Variants in EMG1 observed in about 807,000 individuals in gnomAD.
EMG1 encodes the protein EMG1 N1-specific pseudouridine methyltransferase.
Under a neutral mutation model 26.9 loss-of-function variants are expected in EMG1, and 24 were observed. The ratio of observed to expected loss-of-function variants is 0.89; its 90% CI spans 0.65 to 1.26. The LOEUF is 1.26. Ranked by LOEUF, EMG1 falls within the 50% of genes most tolerant of loss-of-function variation. The probability of loss-of-function intolerance (pLI) is 0.00; values close to 1 mark genes in which losing one functional copy is unlikely to be tolerated. For synonymous variants in EMG1, 140 were observed against 112.6 expected (o/e 1.24, Z -1.54); for missense variants, 299 against 307.6 (o/e 0.97, Z 0.21).
downstream of EMG1, among the ~76,000 whole-genome samples, chr12:6,991,849 T>C (rs1234218438): frequency 1.1e-4 from 16 of 152,148 alleles, no homozygotes; most frequent in African/African-American, 3.6e-4. Flanking sequence ...ACTCTACCAG[T>C]GTGCAGCAGA....
Position 6,979,662 on chromosome 12 carries a change from G to T in EMG1, c.*3853G>T. On this transcript the variant is annotated 3_prime_UTR_variant, in exon 6 of 6. Transcript: ENST00000599672. ...CTCTGACCTTCAGTTATGGAGAGGAGTGTTTAGGGGTGTGGTTGTCTACCT... is the reference window on the plus strand; with the variant it reads ...CTCTGACCTTCAGTTATGGAGAGGATTGTTTAGGGGTGTGGTTGTCTACCT... The T allele has an allele frequency of 1.1e-6, 1 of 900,880 alleles. No homozygotes were observed. The highest frequency in any genetic ancestry group is 1.8e-6 in the Non-Finnish European group (1 of 550,096). The allele number at this position is 900,880 out of a possible 1,614,324, so 55.8% of individuals were successfully genotyped here.
In EMG1 at chr12:6,979,362, T is replaced by C; in HGVS notation, c.*3553T>C. The C allele has an allele frequency of 2.5e-6, 2 of 799,418 alleles. No homozygotes were observed. Among genetic ancestry groups the C allele is most frequent in the Non-Finnish European group, 2.1e-6 (1 of 482,868 alleles). 49.5% of individuals were successfully genotyped at this position (799,418 alleles called of 1,614,324 possible). ...TCACAGATCTAGAGCAAAACCAACATGCACTTGTAGATGATATTTCCTACT... is the reference window on the plus strand; with the variant it reads ...TCACAGATCTAGAGCAAAACCAACACGCACTTGTAGATGATATTTCCTACT... On this transcript the variant is annotated 3_prime_UTR_variant, in exon 6 of 6. Transcript: ENST00000599672.
Position 6,979,028 on chromosome 12 carries a change from C to A in EMG1, c.*3219C>A, listed in dbSNP as rs1437730175. ...TTGGATTTTAATTTAAGGAGAGAAA[C>A]CTGCCCAGAATTACTGAACTGTTTT... On this transcript the variant is annotated 3_prime_UTR_variant, in exon 6 of 6. Transcript: ENST00000599672. 3.3e-6 allele frequency: 1 copy of A among 305,380 alleles called. No homozygotes were observed. 18.9% of individuals were successfully genotyped at this position (305,380 alleles called of 1,614,324 possible). A position where few individuals can be genotyped will look rare whatever the true frequency, so the allele number is the denominator to read the frequency against.
At chr12:6,994,276 T>C (rs1946616230) in intron 7 of EMG1, among the ~76,000 whole-genome samples, 1 of 151,934 alleles carries the variant, frequency 6.6e-6, no homozygotes, top group African/African-American at 2.4e-5. Flanking sequence ...GGCATGATCT[T>C]GGCTCACGGC....
In EMG1 at chr12:6,977,421, G is replaced by A. The variant is rs1946418027; in HGVS notation, c.*1612G>A. 1 of 1,614,090 alleles carries A rather than the reference G, an allele frequency of 6.2e-7. No individual in the cohort carries two copies. Among genetic ancestry groups the A allele is most frequent in the African/African-American group, 1.3e-5 (1 of 74,940 alleles). ...AGAAGGCAGTCATGGAGTAACCCAT[G>A]AAGAGCCAGTGGATGGTCTGTTGCA... On this transcript the variant is annotated 3_prime_UTR_variant, in exon 6 of 6. Coordinates refer to ENST00000599672, the MANE Select transcript of EMG1 (RefSeq NM_006331.8). The surrounding 1 kb of genome is among the most constrained non-coding windows in gnomAD (Gnocchi z 4.5).
chr12:6,980,266 C>T (rs1946456662), downstream of EMG1, among the ~76,000 whole-genome samples: 1 of 151,970 alleles, frequency 6.6e-6, no homozygotes, highest in Admixed American at 6.6e-5. Flanking sequence ...TGGTCTTGAA[C>T]TCCTGGCCTC....
At chr12:6,971,442 T>G (rs1415906039) in intron 1 of EMG1, among the ~76,000 whole-genome samples, 1 of 151,824 alleles carries the variant, frequency 6.6e-6, no homozygotes, top group Non-Finnish European at 1.5e-5. Flanking sequence ...CCCGGCTAAT[T>G]TTTTTGTATT....
At chr12:6,975,470 G>A in intron 5 of EMG1, 92 bp downstream of exon 5, 1 of 1,346,658 alleles carries the variant, frequency 7.4e-7, no homozygotes, top group South Asian at 1.4e-5. Context: ...TGCTTACAAT[G>A]AGCTAGAAGA....
In EMG1 at chr12:6,979,776, A is replaced by G. The variant is rs1946450574; in HGVS notation, c.*3967A>G. ...TGGCTATGAGGAATGGGGACTGCAA[A>G]CCTCTTAAGAGTTGTAGGAAAGTCA... is the stretch of plus-strand genomic sequence containing the variant. On this transcript the variant is annotated 3_prime_UTR_variant, in exon 6 of 6. Transcript: ENST00000599672. 3.4e-6 allele frequency: 2 copies of G among 592,448 alleles called. No individual in the cohort carries two copies. The highest frequency in any genetic ancestry group is 5.6e-5 in the East Asian group (2 of 35,556). 36.7% of individuals were successfully genotyped at this position (592,448 alleles called of 1,614,324 possible). A position where few individuals can be genotyped will look rare whatever the true frequency, so the allele number is the denominator to read the frequency against.
downstream of EMG1, chr12:6,980,908 A>C (rs1555153973): frequency 1.6e-6 from 2 of 1,287,308 alleles, no homozygotes; most frequent in Non-Finnish European, 2.1e-6. Context: ...TCAGGTCTCT[A>C]TGCCAGGGTC....
downstream of EMG1, chr12:6,981,781 T>C (rs373517949): frequency 3.2e-5 from 50 of 1,570,862 alleles, no homozygotes; most frequent in Non-Finnish European, 4.3e-5. Flanking sequence ...GACCTACATG[T>C]AAGGAAGGCA....
chr12:6,971,633 C>T (rs1555152291), intron 1 of EMG1, among the ~76,000 whole-genome samples: 1 of 152,196 alleles, frequency 6.6e-6, no homozygotes, highest in Admixed American at 6.5e-5. Flanking sequence ...CACCTCCTTG[C>T]TTCCAATTGG....
At chr12:6,980,021 CTTT>C (rs34110645), downstream of EMG1, 104 of 122,806 alleles carry the variant, frequency 8.5e-4, no homozygotes, top group African/African-American at 2.8e-3. Flanking sequence ...GGCAATTAAA[CTTT>C]TTTTTTTTTT....
downstream of EMG1, among the ~76,000 whole-genome samples, chr12:6,992,337 C>CA (rs1319251469): frequency 6.7e-6 from 1 of 149,992 alleles, no homozygotes; most frequent in African/African-American, 2.4e-5. Flanking sequence ...AAAAAAAAAA[C>CA]AAAAAAAATT....
Position 6,977,377 on chromosome 12 carries a change from T to C in EMG1, c.*1568T>C. 6.2e-7 allele frequency: 1 copy of C among 1,614,162 alleles called. No homozygotes were observed. Among genetic ancestry groups the C allele is most frequent in the Non-Finnish European group, 8.5e-7 (1 of 1,180,032 alleles). ...CAGGCCTTCACTTGCCTTAAGCCATTTGTCCCACGTGAAGAGGCAGAAGGC... is the reference window on the plus strand; with the variant it reads ...CAGGCCTTCACTTGCCTTAAGCCATCTGTCCCACGTGAAGAGGCAGAAGGC... On this transcript the variant is annotated 3_prime_UTR_variant, in exon 6 of 6. Coordinates refer to ENST00000599672, the MANE Select transcript of EMG1 (RefSeq NM_006331.8). The surrounding 1 kb of genome is among the most constrained non-coding windows in gnomAD (Gnocchi z 4.5).
intron 7 of EMG1, among the ~76,000 whole-genome samples, chr12:6,994,607 C>G (rs903693873): frequency 2.6e-5 from 4 of 152,144 alleles, no homozygotes; most frequent in African/African-American, 4.8e-5. Flanking sequence ...GCTGGGACTA[C>G]AGGTGTGCAC....
At chr12:6,971,381 C>T (rs1478214697) in intron 1 of EMG1, among the ~76,000 whole-genome samples, 8 of 150,740 alleles carry the variant, frequency 5.3e-5, no homozygotes, top group Admixed American at 5.3e-4. Context: ...TCAAACAGTT[C>T]TCCTGACTCA....
At chr12:6,972,644 G>A (rs1305101502) in intron 1 of EMG1, among the ~76,000 whole-genome samples, 1 of 152,128 alleles carries the variant, frequency 6.6e-6, no homozygotes, top group Non-Finnish European at 1.5e-5. Context: ...GTCTTTTCCA[G>A]TGTACAGAGA....
In EMG1 at chr12:6,987,825, T is replaced by C. The variant is rs1946543376; in HGVS notation, c.*198T>C. 7 of 400,776 alleles carry C rather than the reference T, an allele frequency of 1.7e-5. No homozygotes were observed. The East Asian group carries it at 2.5e-4, about 14-fold the overall frequency. The allele number at this position is 400,776 out of a possible 1,614,324, so 24.8% of individuals were successfully genotyped here. On this transcript the variant is annotated 3_prime_UTR_variant and NMD_transcript_variant, in exon 7 of 8. Coordinates refer to the EMG1 transcript ENST00000261406. The surrounding 1 kb of genome is among the most constrained non-coding windows in gnomAD (Gnocchi z 4.1). ...TTCCAGAGTAAAGTCATGATGGCTT[T>C]ATGACGTTCTGAGGTATGTGAAATT...
Sources: gnomAD v4.1 joint callset for allele counts (sites outside exome capture counted in the v4.1 genomes callset) on GRCh38, gnomAD v4.1.1 for gene constraint, Gnocchi (gnomAD v3.1) non-coding constraint, MANE v1.5 for transcripts, NCBI Gene and HGNC (gene_info 2026-07-23, HGNC 2026-07-21) for gene names.